Variants in GDI2 observed in about 807,000 individuals in gnomAD.
The protein encoded by GDI2 is rab GDP dissociation inhibitor beta.
GDI2 carries 22 observed loss-of-function variants against 54.2 expected under a neutral mutation model. That is an observed-to-expected ratio of 0.41 (90% CI 0.29 to 0.58). The LOEUF (loss-of-function observed/expected upper bound fraction) is 0.58, where lower values mean the gene tolerates loss of function less well. GDI2 is among the 20% of genes least tolerant of loss of function. The pLI, the probability that GDI2 is intolerant of heterozygous loss-of-function variation, is 0.35. For missense variants in GDI2, 422 were observed against 546.0 expected (o/e 0.77, Z 2.26); for synonymous variants, 177 against 182.1 (o/e 0.97, Z 0.23).
intron 1 of GDI2, among the ~76,000 whole-genome samples, chr10:5,801,914 G>C (rs1253385172): frequency 6.7e-6 from 1 of 148,896 alleles, no homozygotes; most frequent in Non-Finnish European, 1.5e-5. Context: ...AGGAGGCTGA[G>C]GCAGAACTGC....
intron 3 of GDI2, among the ~76,000 whole-genome samples, chr10:5,796,348 C>CAAA (rs60804301): frequency 4.9e-5 from 7 of 143,780 alleles, no homozygotes; most frequent in Admixed American, 2.8e-4. Context: ...GACTCCGTCT[C>CAAA]AAAAAAAAAA....
chr10:5,797,472 G>A (rs549534108), intron 2 of GDI2, among the ~76,000 whole-genome samples: 2 of 150,254 alleles, frequency 1.3e-5, no homozygotes, highest in Admixed American at 6.7e-5. Flanking sequence ...TTCAACATGC[G>A]AGGCAGAGGT....
intron 4 of GDI2, among the ~76,000 whole-genome samples, chr10:5,786,515 T>C (rs922655710): frequency 3.3e-5 from 5 of 152,156 alleles, no homozygotes; most frequent in Non-Finnish European, 7.3e-5. Context: ...TGGCTTCCAG[T>C]TTCACAACAC....
intron 7 of GDI2, chr10:5,769,442 ATGCCTG>A (rs1840435692): frequency 6.7e-6 from 1 of 148,916 alleles, no homozygotes; most frequent in African/African-American, 2.5e-5. Flanking sequence ...ACGGTGGCGC[ATGCCTG>A]TAGTCCCAGC....
rs777581973 is a variant in GDI2 at position 5,768,392 on chromosome 10, A to G, written c.820-8T>C. ...CTGCTTACAGCGAGCAATCTATAAC[A>G]AAGCATTTAAGAAGACACTGAAGCG... On this transcript the variant is annotated splice_polypyrimidine_tract_variant and splice_region_variant and intron_variant, in intron 7 of 10. Coordinates refer to ENST00000380191, the MANE Select transcript of GDI2 (RefSeq NM_001494.4). This position sits in a 1 kb window ranked among gnomAD's most constrained non-coding sequence, Gnocchi z 4.4. The G allele has an allele frequency of 2.8e-5, 45 of 1,594,662 alleles. No individual in the cohort carries two copies. The highest frequency in any genetic ancestry group is 3.9e-5 in the Non-Finnish European group (45 of 1,162,648).
Position 5,766,170 on chromosome 10 carries a change from G to A in GDI2, c.1192-18C>T, listed in dbSNP as rs369570588. ...ATAAAGATCTGAAAACAAAAATTAC[G>A]AAGACTTAAGACCATGGAGGGATGT... is the stretch of plus-strand genomic sequence containing the variant. On this transcript the variant is annotated intron_variant, in intron 10 of 10. Transcript: ENST00000380191. The surrounding 1 kb of genome is among the most constrained non-coding windows in gnomAD (Gnocchi z 5.8). 7.6e-5 allele frequency: 122 copies of A among 1,612,860 alleles called. No individual in the cohort carries two copies. In the African/African-American group the frequency reaches 1.1e-3, roughly 15 times the overall value.
chr10:5,768,225 T>G lies in GDI2; in HGVS notation c.979A>C (p.Asn327His), dbSNP rs1256451873. The G allele has an allele frequency of 6.2e-7, 1 of 1,612,776 alleles. No homozygotes were observed. Among genetic ancestry groups the G allele is most frequent in the Non-Finnish European group, 8.5e-7 (1 of 1,178,930 alleles). ...CQIIIPQNQV[N>H]RKSDIYVCMI... is the part of the protein sequence containing the mutation. ...CTTCAAACCTCACCTGACTTTCGAT[T>G]GACTTGGTTCTGTGGAATAATGATC... is the stretch of plus-strand genomic sequence containing the variant. The change falls in exon 8 of 11, where the codon AAT becomes CAT. Residue 327 changes from asparagine to histidine, a missense_variant. Physicochemically the swap from Asn to His is moderately conservative, Grantham distance 68 (BLOSUM62 1). Coordinates refer to ENST00000380191, the MANE Select transcript of GDI2 (RefSeq NM_001494.4). This position sits in a 1 kb window ranked among gnomAD's most constrained non-coding sequence, Gnocchi z 4.4.
intron 4 of GDI2, 81 bp from the exon 5 acceptor site, chr10:5,786,131 A>G (rs1840870144): frequency 2.5e-6 from 2 of 797,460 alleles, no homozygotes; most frequent in East Asian, 5.1e-5. Flanking sequence ...AAGTTTAAAC[A>G]TGCCTTGTTA....
chr10:5,798,630 T>A (rs73612473), intron 2 of GDI2, among the ~76,000 whole-genome samples: 243 of 149,360 alleles, frequency 1.6e-3, no homozygotes, highest in African/African-American at 5.5e-3. Context: ...CCTCAATACA[T>A]CTGGGGAGAA....
chr10:5,772,394 C>T (rs779497838), intron 7 of GDI2, among the ~76,000 whole-genome samples: 20 of 152,160 alleles, frequency 1.3e-4, no homozygotes, highest in Admixed American at 4.6e-4. Flanking sequence ...AATCACACTA[C>T]GACAGTCAAG....
chr10:5,795,922 T>TA lies in GDI2; in HGVS notation c.253+840dup, dbSNP rs199564261. 1.9e-3 allele frequency among the ~76,000 whole-genome samples: 275 copies of TA among 143,782 alleles called. 2 individuals are homozygous for TA. The highest frequency in any genetic ancestry group is 3.6e-3 in the Middle Eastern group (1 of 280). The allele number at this position is 143,782 out of a possible 152,430, so 94.3% of individuals were successfully genotyped here. The stretch of plus-strand genomic sequence containing the variant: ...GGTGACAGAGTGAAACCCCTGTCTC[T>TA]AAAAAAAATTAATAAAAACAAACAA... On this transcript the variant is annotated intron_variant, in intron 3 of 10. Transcript: ENST00000380191.
At position 5,785,945 on chromosome 10, in the gene GDI2, T is replaced by G; in HGVS notation, c.494A>C (p.Lys165Thr). 6.2e-7 allele frequency: 1 copy of G among 1,610,716 alleles called. No homozygotes were observed. Among genetic ancestry groups the G allele is most frequent in the Non-Finnish European group, 8.5e-7 (1 of 1,176,844 alleles). ...PRTFEGIDPK[K>T]TTMRDVYKKF... ...CTTATACACATCTCGCATTGTGGTC[T>G]TCTTAGGATCAATGCCTTCAAAAGT... The change falls in exon 5 of 11, where the codon AAG (lysine) becomes ACG (threonine). Residue 165 changes from lysine to threonine, a missense_variant. Transcript: ENST00000380191.
At position 5,776,988 on chromosome 10, in the gene GDI2, G is replaced by A. The variant is rs1474531511; in HGVS notation, c.720-3047C>T. On this transcript the variant is annotated intron_variant, in intron 6 of 10. Transcript: ENST00000380191. The surrounding 1 kb of genome is among the most constrained non-coding windows in gnomAD (Gnocchi z 5.3). ...AAATGCTTCATCTGGCAGACTGTGG[G>A]AGAAGAGGCATTGCCAGGACTTGGC... 6.0e-6 allele frequency: 3 copies of A among 497,612 alleles called. No homozygotes were observed. The highest frequency in any genetic ancestry group is 3.9e-5 in the African/African-American group (2 of 50,788). 30.8% of individuals were successfully genotyped at this position (497,612 alleles called of 1,614,324 possible). A position where few individuals can be genotyped will look rare whatever the true frequency, so the allele number is the denominator to read the frequency against.
chr10:5,802,852 T>C (rs1212978911), intron 1 of GDI2, among the ~76,000 whole-genome samples: 1 of 152,174 alleles, frequency 6.6e-6, no homozygotes, highest in African/African-American at 2.4e-5. Context: ...GCAAGCTAGA[T>C]CAGTGGGTGT....
rs1840868111 is a variant in GDI2 at position 5,786,065 on chromosome 10, A to G, written c.389-15T>C. ...TCCCATTAGGCCTAAATAAAAAAGA[A>G]TTTTTCAAAAAGCACACTCACAATC... On this transcript the variant is annotated splice_polypyrimidine_tract_variant and intron_variant, in intron 4 of 10. Coordinates refer to ENST00000380191, the MANE Select transcript of GDI2 (RefSeq NM_001494.4). The G allele has an allele frequency of 1.3e-6, 2 of 1,581,616 alleles. No homozygotes were observed. Among genetic ancestry groups the G allele is most frequent in the East Asian group, 4.5e-5 (2 of 44,636 alleles).
intron 4 of GDI2, among the ~76,000 whole-genome samples, chr10:5,792,959 C>CAAAAAAA (rs34475268): frequency 1.1e-5 from 1 of 92,012 alleles, no homozygotes; most frequent in African/African-American, 3.8e-5. Context: ...GACCTTTGTC[C>CAAAAAAA]AAAAAAAAAA....
In GDI2 at chr10:5,786,055, A is replaced by T; in HGVS notation, c.389-5T>A. The T allele has an allele frequency of 1.3e-6, 2 of 1,599,402 alleles. No individual in the cohort carries two copies. The highest frequency in any genetic ancestry group is 4.5e-5 in the East Asian group (2 of 44,752). On this transcript the variant is annotated splice_polypyrimidine_tract_variant and splice_region_variant and intron_variant, in intron 4 of 10. Coordinates refer to ENST00000380191, the MANE Select transcript of GDI2 (RefSeq NM_001494.4). ...TTTCAAACAATCCCATTAGGCCTAA[A>T]TAAAAAAGAATTTTTCAAAAAGCAC...
At chr10:5,812,698 C>G (rs1348001447) in intron 1 of GDI2, among the ~76,000 whole-genome samples, 1 of 152,244 alleles carries the variant, frequency 6.6e-6, no homozygotes, top group East Asian at 1.9e-4. Flanking sequence ...TAATCAAGCC[C>G]TAGCAGTTCC....
chr10:5,796,729 G>T, intron 3 of GDI2, 34 bp downstream of exon 3: 1 of 975,184 alleles, frequency 1.0e-6, no homozygotes, highest in Non-Finnish European at 1.7e-6. Flanking sequence ...TGTAATCAAA[G>T]TACTGTCATA....
Sources: allele counts gnomAD v4.1 joint callset (sites outside exome capture counted in the v4.1 genomes callset), GRCh38; gene constraint gnomAD v4.1.1; non-coding constraint Gnocchi (gnomAD v3.1); transcripts MANE v1.5; gene names NCBI Gene and HGNC (gene_info 2026-07-23, HGNC 2026-07-21).